NEK7: variants seen among roughly 807,000 people sequenced by gnomAD.
The protein encoded by NEK7 is NIMA related kinase 7.
NEK7 carries 18 observed loss-of-function variants against 44.6 expected under a neutral mutation model. The observed-to-expected ratio is 0.40, with a 90% confidence interval of 0.28 to 0.60. The LOEUF (loss-of-function observed/expected upper bound fraction) is 0.60. Ranked by LOEUF, NEK7 falls within the 20% of genes least tolerant of loss-of-function variation. The pLI, the probability that NEK7 is intolerant of heterozygous loss-of-function variation, is 0.38. For synonymous variants in NEK7, 130 were observed against 121.1 expected, an observed-to-expected ratio of 1.07 and a Z score of -0.48; for missense variants, 256 against 366.5, an observed-to-expected ratio of 0.70 and a Z score of 2.46.
intron 2 of NEK7, 135 bp downstream of exon 2, chr1:198,232,772 T>A: frequency 2.2e-6 from 1 of 460,794 alleles, no homozygotes; most frequent in Non-Finnish European, 3.7e-6. Flanking sequence ...CAAGTTTTAA[T>A]CAGCATTTTT....
intron 5 of NEK7, among the ~76,000 whole-genome samples, chr1:198,274,377 A>G (rs563932980): frequency 6.6e-6 from 1 of 151,784 alleles, no homozygotes; most frequent in African/African-American, 2.4e-5. Context: ...AATTTTTAAG[A>G]TGGCAGTAAC....
At chr1:198,278,748 A>G (rs1053091130) in intron 6 of NEK7, among the ~76,000 whole-genome samples, 5 of 151,950 alleles carry the variant, frequency 3.3e-5, no homozygotes, top group Non-Finnish European at 7.4e-5. Context: ...ATCATGCTAC[A>G]TTGATGATTA....
intron 1 of NEK7, among the ~76,000 whole-genome samples, chr1:198,172,189 G>A (rs1558040803): frequency 6.6e-6 from 1 of 152,096 alleles, no homozygotes; most frequent in East Asian, 1.9e-4. Flanking sequence ...TGTTTTGGCT[G>A]GGGTGTGGAT....
intron 2 of NEK7, among the ~76,000 whole-genome samples, chr1:198,242,338 C>G (rs937871776): frequency 2.0e-5 from 3 of 151,824 alleles, no homozygotes; most frequent in African/African-American, 7.3e-5. Context: ...CCCCTTACTC[C>G]TTACTCTTGC....
intron 1 of NEK7, among the ~76,000 whole-genome samples, chr1:198,196,724 A>T (rs1037358819): frequency 6.6e-6 from 1 of 152,240 alleles, no homozygotes; most frequent in Non-Finnish European, 1.5e-5. Context: ...GGCAGCTTTT[A>T]TCAGGACAAG....
At chr1:198,310,499 T>C (rs995301802) in intron 9 of NEK7, among the ~76,000 whole-genome samples, 2 of 138,748 alleles carry the variant, frequency 1.4e-5, no homozygotes, top group African/African-American at 5.4e-5. Context: ...TTTGGTGTTT[T>C]AGACATGAAG....
chr1:198,272,413 G>T (rs1439028406), intron 5 of NEK7, among the ~76,000 whole-genome samples: 1 of 151,776 alleles, frequency 6.6e-6, no homozygotes, highest in Non-Finnish European at 1.5e-5. Context: ...ATTATGCTAA[G>T]CATCTTAATT....
At chr1:198,205,585 G>C (rs932142023) in intron 1 of NEK7, among the ~76,000 whole-genome samples, 3 of 152,016 alleles carry the variant, frequency 2.0e-5, no homozygotes, top group Non-Finnish European at 2.9e-5. Flanking sequence ...TTATATAACT[G>C]TATTTGCTCT....
rs12048957 is a variant in NEK7 at position 198,310,392 on chromosome 1, C to G, written c.799-9020C>G. On this transcript the variant is annotated intron_variant, in intron 9 of 9. Transcript: ENST00000367385. Reference sequence around the variant, plus strand: ...TGAAAATTTTCTCCCATTTTGTAGGCTGCCTGTTCACTCTGATGGTAGTTT... The same window carrying G: ...TGAAAATTTTCTCCCATTTTGTAGGGTGCCTGTTCACTCTGATGGTAGTTT... Among the ~76,000 whole-genome samples, 26 of 150,380 alleles carry G rather than the reference C, an allele frequency of 1.7e-4. No individual in the cohort carries two copies. The East Asian group carries it at 5.2e-3, about 30-fold the overall frequency.
chr1:198,163,336 T>A (rs1271807619), intron 1 of NEK7, among the ~76,000 whole-genome samples: 1 of 151,676 alleles, frequency 6.6e-6, no homozygotes. Context: ...CTACAAAAAA[T>A]TTAAAAAAAA....
intron 1 of NEK7, among the ~76,000 whole-genome samples, chr1:198,161,831 AC>A (rs1481792525): frequency 1.3e-5 from 2 of 152,036 alleles, no homozygotes; most frequent in Admixed American, 1.3e-4. Context: ...AATGAAAACT[AC>A]TAGACAAAGA....
chr1:198,196,625 C>T (rs6428438), intron 1 of NEK7, among the ~76,000 whole-genome samples: 22,670 of 152,140 alleles, frequency 0.15, 1,869 homozygotes, highest in East Asian at 0.22. Context: ...TGTGATTCTT[C>T]GAACTTTTTC....
intron 3 of NEK7, among the ~76,000 whole-genome samples, chr1:198,261,879 A>G (rs1653486154): frequency 6.6e-6 from 1 of 151,856 alleles, no homozygotes; most frequent in Non-Finnish European, 1.5e-5. Context: ...ACCTCTACCC[A>G]TGAAATTTTA....
At chr1:198,282,455 G>GAA (rs1368341038) in intron 7 of NEK7, among the ~76,000 whole-genome samples, 3 of 152,172 alleles carry the variant, frequency 2.0e-5, no homozygotes, top group Admixed American at 1.3e-4. Flanking sequence ...GTGAGCATGA[G>GAA]AAAAAGCATG....
rs544151786 is a variant in NEK7 at position 198,198,747 on chromosome 1, T to C, written c.-28-33806T>C. 3.9e-5 allele frequency among the ~76,000 whole-genome samples: 6 copies of C among 152,342 alleles called. 1 individual carries two copies. Among genetic ancestry groups the C allele is most frequent in the Admixed American group, 2.0e-4 (3 of 15,302 alleles). ...TTCTCCACAGAGGCTTTTTAACCTT[T>C]CACATGTCACCTCAAATGATTCTCA... On this transcript the variant is annotated intron_variant, in intron 1 of 9. Coordinates refer to ENST00000367385, the MANE Select transcript of NEK7 (RefSeq NM_133494.3).
At chr1:198,256,929 A>T (rs7541970) in intron 3 of NEK7, among the ~76,000 whole-genome samples, 51,222 of 152,074 alleles carry the variant, frequency 0.34, 9,874 homozygotes, top group East Asian at 0.8. Context: ...AGCTATAGGA[A>T]TGAAGTTGGT....
intron 1 of NEK7, among the ~76,000 whole-genome samples, chr1:198,228,548 C>T (rs1157164726): frequency 6.7e-6 from 1 of 149,582 alleles, no homozygotes; most frequent in Non-Finnish European, 1.5e-5. Flanking sequence ...TTTCATTGAA[C>T]AGTGGTTTGT....
chr1:198,203,329 A>G (rs556500054), intron 1 of NEK7, among the ~76,000 whole-genome samples: 1 of 152,356 alleles, frequency 6.6e-6, no homozygotes, highest in South Asian at 2.1e-4. Flanking sequence ...ATGAAGAGGA[A>G]CATAAAAACA....
chr1:198,256,434 C>G (rs767525187), intron 3 of NEK7: 2 of 1,610,338 alleles, frequency 1.2e-6, no homozygotes, highest in Non-Finnish European at 8.5e-7. Flanking sequence ...GCAACATTAA[C>G]CAATCTTTTT....
Sources: gnomAD v4.1 joint callset for allele counts (sites outside exome capture counted in the v4.1 genomes callset) on GRCh38, gnomAD v4.1.1 for gene constraint, MANE v1.5 for transcripts, NCBI Gene and HGNC (gene_info 2026-07-23, HGNC 2026-07-21) for gene names.